DAB1: variants seen among roughly 807,000 people sequenced by gnomAD.
DAB1 encodes the protein DAB adaptor protein 1.
A neutral mutation model predicts 64.6 loss-of-function variants in DAB1; 15 were observed. That is an observed-to-expected ratio of 0.23 (90% CI 0.16 to 0.36). The LOEUF (loss-of-function observed/expected upper bound fraction) is 0.36. DAB1 is among the 10% of genes least tolerant of loss of function. DAB1 has a pLI of 1.00. For synonymous variants in DAB1, 235 were observed against 251.9 expected, an observed-to-expected ratio of 0.93 and a Z score of 0.64; for missense variants, 596 against 706.7, an observed-to-expected ratio of 0.84 and a Z score of 1.78.
Position 57,611,559 on chromosome 1 carries a change from G to A in DAB1, n.625+38033C>T, listed in dbSNP as rs112183453. Among the ~76,000 whole-genome samples, 1,272 of 152,224 alleles carry A rather than the reference G, an allele frequency of 8.4e-3. 10 individuals are homozygous for A. The highest frequency in any genetic ancestry group is 0.012 in the Non-Finnish European group (828 of 68,012). ...TGCAGGACACCTATCTCATAGTGCC[G>A]TTTAGATCCCATGCCTAGATGTCCT... is the stretch of plus-strand genomic sequence containing the variant. On this transcript the variant is annotated intron_variant and non_coding_transcript_variant, in intron 7 of 20. Coordinates refer to the DAB1 transcript ENST00000485760.
intron 4 of DAB1, among the ~76,000 whole-genome samples, chr1:57,134,925 C>A (rs1657953230): frequency 6.6e-6 from 1 of 152,116 alleles, no homozygotes; most frequent in African/African-American, 2.4e-5. Flanking sequence ...CTTATATTTA[C>A]CACAATGCCT....
intron 5 of DAB1, among the ~76,000 whole-genome samples, chr1:57,930,129 T>G (rs537567730): frequency 6.6e-6 from 1 of 152,238 alleles, no homozygotes; most frequent in Non-Finnish European, 1.5e-5. Context: ...CCAGTTGTTC[T>G]AGCATCTTGT....
intron 1 of DAB1, among the ~76,000 whole-genome samples, chr1:57,332,466 A>G (rs1676751855): frequency 6.6e-6 from 1 of 152,278 alleles, no homozygotes; most frequent in East Asian, 1.9e-4. Context: ...TAAAGAGCTT[A>G]GTTTAGTTTC....
At chr1:57,844,667 G>T (rs1653198482) in intron 1 of DAB1, among the ~76,000 whole-genome samples, 1 of 152,102 alleles carries the variant, frequency 6.6e-6, no homozygotes, top group South Asian at 2.1e-4. Flanking sequence ...CAGCTTCATG[G>T]GGCTCCATTG....
At chr1:57,756,560 T>A (rs1388040057) in intron 6 of DAB1, among the ~76,000 whole-genome samples, 1 of 152,102 alleles carries the variant, frequency 6.6e-6, no homozygotes, top group Non-Finnish European at 1.5e-5. Flanking sequence ...GGAAATGACA[T>A]GATCAGATTT....
chr1:58,407,980 C>T (rs1358516035), intron 3 of DAB1, among the ~76,000 whole-genome samples: 1 of 152,200 alleles, frequency 6.6e-6, no homozygotes, highest in African/African-American at 2.4e-5. Context: ...CCTCCTCACT[C>T]ACTCAGCTCC....
At chr1:57,205,203 G>A (rs1371108093) in intron 2 of DAB1, among the ~76,000 whole-genome samples, 1 of 152,210 alleles carries the variant, frequency 6.6e-6, no homozygotes, top group East Asian at 1.9e-4. Flanking sequence ...AATCTAATGA[G>A]AGGCAGGGTC....
At chr1:58,360,550 A>G (rs1244313073) in intron 3 of DAB1, among the ~76,000 whole-genome samples, 1 of 151,942 alleles carries the variant, frequency 6.6e-6, no homozygotes, top group Non-Finnish European at 1.5e-5. Context: ...CACTTTCTGG[A>G]AAATAACAGC....
chr1:57,306,512 GCT>G (rs1491164885), intron 1 of DAB1, among the ~76,000 whole-genome samples: 1 of 140,650 alleles, frequency 7.1e-6, no homozygotes, highest in East Asian at 2.0e-4. Flanking sequence ...CTTAGAACAG[GCT>G]TTTTTTTTTT....
At chr1:57,464,163 T>G (rs1179837573) in intron 7 of DAB1, among the ~76,000 whole-genome samples, 1 of 152,232 alleles carries the variant, frequency 6.6e-6, no homozygotes, top group Non-Finnish European at 1.5e-5. Flanking sequence ...AGAACTATCA[T>G]GTAAGTTTTA....
At chr1:57,404,822 G>A (rs3850556) in intron 1 of DAB1, among the ~76,000 whole-genome samples, 56,805 of 151,974 alleles carry the variant, frequency 0.37, 11,032 homozygotes, top group Non-Finnish European at 0.43. Flanking sequence ...ATTGCTAGAC[G>A]CTAATGAAAA....
chr1:57,919,168 C>A (rs1644774533), intron 5 of DAB1, among the ~76,000 whole-genome samples: 1 of 152,114 alleles, frequency 6.6e-6, no homozygotes, highest in Admixed American at 6.5e-5. Context: ...TGTGGTAAAA[C>A]CACAATTTGG....
At chr1:57,602,287 A>T (rs1454701016) in intron 7 of DAB1, among the ~76,000 whole-genome samples, 1 of 152,176 alleles carries the variant, frequency 6.6e-6, no homozygotes, top group Non-Finnish European at 1.5e-5. Flanking sequence ...ACCCTTTAAA[A>T]GGTAGGATAG....
intron 7 of DAB1, among the ~76,000 whole-genome samples, chr1:57,627,701 T>C (rs964632955): frequency 6.6e-6 from 1 of 152,228 alleles, no homozygotes; most frequent in Non-Finnish European, 1.5e-5. Flanking sequence ...TTATAATGAC[T>C]AAGGGGCCTA....
intron 2 of DAB1, among the ~76,000 whole-genome samples, chr1:58,513,679 C>T (rs1646116412): frequency 6.6e-6 from 1 of 152,102 alleles, no homozygotes; most frequent in Admixed American, 6.6e-5. Context: ...GTTCAAAATA[C>T]TGATTATTTT....
chr1:57,782,973 T>TCCTCCCTCCCTC (rs200786518), intron 6 of DAB1, among the ~76,000 whole-genome samples: 23 of 115,748 alleles, frequency 2.0e-4, no homozygotes, highest in African/African-American at 7.6e-4. Context: ...CCATTTTCTT[T>TCCTCCCTCCCTC]CCTCCCTCCC....
rs75240381 is a variant in DAB1 at position 58,477,760 on chromosome 1, C to G, written n.257+28300G>C. On this transcript the variant is annotated intron_variant and non_coding_transcript_variant, in intron 3 of 20. Coordinates refer to the DAB1 transcript ENST00000485760. The stretch of plus-strand genomic sequence containing the variant: ...GCCCTTGCTCTGATAATATCATGAT[C>G]CCCTGGATTAAACTGTGCCTGAAGC... Among the ~76,000 whole-genome samples the G allele has an allele frequency of 4.5e-3, 688 of 152,240 alleles. 40 individuals carry two copies. The East Asian group carries it at 0.12, about 27-fold the overall frequency.
intron 7 of DAB1, among the ~76,000 whole-genome samples, chr1:57,586,978 A>C (rs542893851): frequency 6.6e-6 from 1 of 152,172 alleles, no homozygotes; most frequent in Admixed American, 6.5e-5. Flanking sequence ...TCAGTGAATA[A>C]ATTCCTCATC....
chr1:58,527,780 C>T (rs1646375166), intron 1 of DAB1, among the ~76,000 whole-genome samples: 1 of 152,202 alleles, frequency 6.6e-6, no homozygotes, highest in Non-Finnish European at 1.5e-5. Context: ...AAAAATTAAC[C>T]ATATAGCAGA....
Sources: allele counts gnomAD v4.1 joint callset (sites outside exome capture counted in the v4.1 genomes callset), GRCh38; gene constraint gnomAD v4.1.1; transcripts MANE v1.5; gene names NCBI Gene and HGNC (gene_info 2026-07-23, HGNC 2026-07-21).